ADAM17: variants seen among roughly 807,000 people sequenced by gnomAD.
ADAM17 encodes ADAM metallopeptidase domain 17.
In ADAM17, 39 loss-of-function variants were observed where a neutral mutation model predicts 96.7. The ratio of observed to expected loss-of-function variants is 0.40; its 90% CI spans 0.31 to 0.53. ADAM17 has a LOEUF of 0.53. ADAM17 is among the 20% of genes least tolerant of loss of function. The pLI, the probability that ADAM17 is intolerant of heterozygous loss-of-function variation, is 0.44. For synonymous variants in ADAM17, 344 were observed against 359.2 expected (o/e 0.96, Z 0.48); for missense variants, 777 against 1,013.2 (o/e 0.77, Z 3.17).
At chr2:9,553,343 T>C (rs1400714931) in intron 1 of ADAM17, among the ~76,000 whole-genome samples, 2 of 151,786 alleles carry the variant, frequency 1.3e-5, no homozygotes, top group African/African-American at 4.8e-5. Flanking sequence ...CAATGCCACG[T>C]ATAATACTTG....
At chr2:9,551,927 T>C (rs1558528976) in intron 1 of ADAM17, among the ~76,000 whole-genome samples, 2 of 152,198 alleles carry the variant, frequency 1.3e-5, no homozygotes, top group African/African-American at 4.8e-5. Context: ...GTAATCGTTT[T>C]GTTATACCTA....
intron 2 of ADAM17, among the ~76,000 whole-genome samples, chr2:9,538,002 GA>G (rs1665052551): frequency 2.4e-5 from 2 of 84,582 alleles, no homozygotes; most frequent in African/African-American, 4.6e-5. Context: ...GAGGGGAGGG[GA>G]AGGGAGGGGA....
At chr2:9,532,183 T>C (rs1347982484) in intron 4 of ADAM17, among the ~76,000 whole-genome samples, 1 of 152,214 alleles carries the variant, frequency 6.6e-6, no homozygotes, top group Non-Finnish European at 1.5e-5. Context: ...TCCTAAGATA[T>C]TAGTGCAGAT....
chr2:9,521,337 T>C lies in ADAM17; in HGVS notation c.844-21A>G, dbSNP rs2125021230. ...CGAATCTATACTTAAAGAGATCATATACTTAGAACACTTCCAAAATAAGTC... is the reference window on the plus strand; with the variant it reads ...CGAATCTATACTTAAAGAGATCATACACTTAGAACACTTCCAAAATAAGTC... On this transcript the variant is annotated intron_variant, in intron 7 of 18. Transcript: ENST00000310823. 2.0e-6 allele frequency: 3 copies of C among 1,490,052 alleles called. No individual in the cohort carries two copies. The East Asian group carries it at 6.8e-5, about 34-fold the overall frequency. 92.3% of individuals were successfully genotyped at this position (1,490,052 alleles called of 1,614,324 possible).
chr2:9,523,354 A>C lies in ADAM17; in HGVS notation c.754-16T>G. ...TTAGCTCTATCTGTGTGTATTTAAAAAAGAAAAAAGACATTATGTAACTCT... is the reference window on the plus strand; with the variant it reads ...TTAGCTCTATCTGTGTGTATTTAAACAAGAAAAAAGACATTATGTAACTCT... On this transcript the variant is annotated splice_polypyrimidine_tract_variant and intron_variant, in intron 6 of 18. Coordinates refer to ENST00000310823, the MANE Select transcript of ADAM17 (RefSeq NM_003183.6). 1.3e-6 allele frequency: 2 copies of C among 1,571,344 alleles called. No homozygotes were observed. Among genetic ancestry groups the C allele is most frequent in the Non-Finnish European group, 1.7e-6 (2 of 1,143,886 alleles).
chr2:9,497,975 C>T (rs1396301723), intron 13 of ADAM17, among the ~76,000 whole-genome samples: 2 of 152,156 alleles, frequency 1.3e-5, no homozygotes, highest in African/African-American at 4.8e-5. Context: ...AAGTTATCTC[C>T]AATCCCTATC....
intron 13 of ADAM17, among the ~76,000 whole-genome samples, chr2:9,498,868 G>T (rs185181165): frequency 6.6e-6 from 1 of 152,278 alleles, no homozygotes; most frequent in East Asian, 1.9e-4. Context: ...TAAAGTCAGA[G>T]TATTAGACAG....
chr2:9,515,480 T>G (rs956155560), intron 10 of ADAM17, among the ~76,000 whole-genome samples: 1 of 152,096 alleles, frequency 6.6e-6, no homozygotes, highest in Non-Finnish European at 1.5e-5. Flanking sequence ...CTCACACCCG[T>G]AATCCCAGCA....
chr2:9,523,282 T>G lies in ADAM17; in HGVS notation c.810A>C (p.Ala270=), dbSNP rs759217858. ...DIYRNTSWDN[A]GFKGYGIQIE... is the part of the protein sequence containing the mutation. ...TCTGTATTCCATAGCCTTTAAAACC[T>G]GCATTATCCCATGAAGTGTTCCGAT... Residue 270 remains alanine, a synonymous_variant, in exon 7 of 19, where the codon GCA becomes GCC. Transcript: ENST00000310823. 3 of 1,612,952 alleles carry G rather than the reference T, an allele frequency of 1.9e-6. No individual in the cohort carries two copies. Among genetic ancestry groups the G allele is most frequent in the African/African-American group, 2.7e-5 (2 of 75,030 alleles).
chr2:9,531,845 C>G (rs1465406306), intron 4 of ADAM17, among the ~76,000 whole-genome samples: 1 of 152,156 alleles, frequency 6.6e-6, no homozygotes, highest in Non-Finnish European at 1.5e-5. Flanking sequence ...CACCTGTAAT[C>G]CCAGCACTTT....
intron 10 of ADAM17, among the ~76,000 whole-genome samples, chr2:9,516,595 A>T (rs1478866228): frequency 6.6e-6 from 1 of 152,066 alleles, no homozygotes; most frequent in African/African-American, 2.4e-5. Context: ...TAAAACAAAA[A>T]TACAAAAATT....
At chr2:9,518,529 T>C (rs1426280148) in intron 8 of ADAM17, among the ~76,000 whole-genome samples, 1 of 152,144 alleles carries the variant, frequency 6.6e-6, no homozygotes, top group African/African-American at 2.4e-5. Flanking sequence ...TCACTGCTCC[T>C]CCGAGGGCTG....
intron 17 of ADAM17, among the ~76,000 whole-genome samples, chr2:9,492,665 C>T (rs1490106434): frequency 6.6e-6 from 1 of 152,096 alleles, no homozygotes; most frequent in Non-Finnish European, 1.5e-5. Context: ...TATAAAATTC[C>T]TAAGAAATTT....
chr2:9,494,893 G>C, intron 14 of ADAM17, 126 bp from the exon 15 acceptor site: 1 of 1,196,368 alleles, frequency 8.4e-7, no homozygotes, highest in Non-Finnish European at 1.2e-6. Flanking sequence ...TATTTAAATA[G>C]CTAATACTAT....
chr2:9,525,005 G>A (rs577760865), intron 6 of ADAM17, among the ~76,000 whole-genome samples: 1 of 151,956 alleles, frequency 6.6e-6, no homozygotes, highest in Admixed American at 6.6e-5. Context: ...TATTTATAGT[G>A]CAATGAACAA....
chr2:9,490,696 A>G (rs1381480689), intron 18 of ADAM17, among the ~76,000 whole-genome samples, 178 bp from the exon 19 acceptor site: 1 of 152,196 alleles, frequency 6.6e-6, no homozygotes, highest in African/African-American at 2.4e-5. Context: ...TTGGTGCAAA[A>G]GTAATTAATG....
chr2:9,535,036 C>A (rs1353828992), intron 4 of ADAM17, among the ~76,000 whole-genome samples: 1 of 152,144 alleles, frequency 6.6e-6, no homozygotes, highest in East Asian at 1.9e-4. Flanking sequence ...CCATAGGTTT[C>A]TTTTTCACAA....
Position 9,526,232 on chromosome 2 carries a change from CGAT to C in ADAM17, c.629_631del (p.His210del). The C allele has an allele frequency of 6.2e-7, 1 of 1,613,428 alleles. No individual in the cohort carries two copies. Among genetic ancestry groups the C allele is most frequent in the Non-Finnish European group, 8.5e-7 (1 of 1,179,774 alleles). On this transcript the variant is annotated inframe_deletion, in exon 6 of 19. Transcript: ENST00000310823. The stretch of plus-strand genomic sequence containing the variant: ...ATCTGGGTCAGCTCTTCTTTTCACT[CGAT>C]GAACAAGCTCTAATATGAATTTGTA...
chr2:9,546,533 T>A (rs1665408147), intron 1 of ADAM17, among the ~76,000 whole-genome samples: 1 of 152,168 alleles, frequency 6.6e-6, no homozygotes, highest in African/African-American at 2.4e-5. Context: ...TAATCTCAAT[T>A]TTTTACAGGC....
Sources: allele counts gnomAD v4.1 joint callset (sites outside exome capture counted in the v4.1 genomes callset), GRCh38; gene constraint gnomAD v4.1.1; transcripts MANE v1.5; gene names NCBI Gene and HGNC (gene_info 2026-07-23, HGNC 2026-07-21).